The following TRPM3 variants were observed in gnomAD, a reference collection of about 807,000 sequenced individuals.
The protein encoded by TRPM3 is long transient receptor potential channel 3.
TRPM3 carries 77 observed loss-of-function variants against 181.2 expected under a neutral mutation model. The observed-to-expected ratio is 0.42, with a 90% CI of 0.35 to 0.51. The LOEUF is 0.51. TRPM3 is among the 20% of genes least tolerant of loss of function. The pLI, the probability that TRPM3 is intolerant of heterozygous loss-of-function variation, is 0.01. For missense variants in TRPM3, 1,759 were observed against 2,196.7 expected (o/e 0.80, Z 3.98); for synonymous variants, 745 against 796.4 (o/e 0.94, Z 1.09).
intron 1 of TRPM3, among the ~76,000 whole-genome samples, chr9:71,293,737 T>C (rs1290278954): frequency 1.3e-5 from 2 of 151,966 alleles, no homozygotes; most frequent in Admixed American, 1.3e-4. Flanking sequence ...AATATTTTCA[T>C]GTAGGAGTAA....
chr9:70,962,840 A>T (rs2097150064), intron 1 of TRPM3, among the ~76,000 whole-genome samples: 1 of 152,140 alleles, frequency 6.6e-6, no homozygotes, highest in Non-Finnish European at 1.5e-5. Flanking sequence ...TTGAATACCA[A>T]ATCACCGGGG....
intron 1 of TRPM3, among the ~76,000 whole-genome samples, chr9:71,004,999 A>C (rs2097658283): frequency 6.6e-6 from 1 of 152,214 alleles, no homozygotes; most frequent in Non-Finnish European, 1.5e-5. Context: ...CCATCAGACC[A>C]ACTTCTACAT....
At position 71,238,907 on chromosome 9, in the gene TRPM3, C is replaced by T. The variant is rs550691250; in HGVS notation, c.183+207746G>A. On this transcript the variant is annotated intron_variant, in intron 1 of 24. Transcript: ENST00000357533. ...TTTTGAAAAATCGCCAACCCTTGTC[C>T]TAAGAGGTATTAATATTCTTGACAT... Among the ~76,000 whole-genome samples the T allele has an allele frequency of 1.9e-4, 29 of 152,244 alleles. No individual in the cohort carries two copies. The South Asian group carries it at 5.6e-3, about 29-fold the overall frequency.
chr9:70,855,519 T>C (rs1417039666), intron 3 of TRPM3, among the ~76,000 whole-genome samples: 1 of 152,226 alleles, frequency 6.6e-6, no homozygotes, highest in African/African-American at 2.4e-5. Context: ...CTCCTTCTAC[T>C]GTAAGGCCAT....
chr9:71,145,434 C>CT (rs2075351680), intron 1 of TRPM3, among the ~76,000 whole-genome samples: 1 of 152,132 alleles, frequency 6.6e-6, no homozygotes, highest in Admixed American at 6.6e-5. Context: ...CTGAAAAACT[C>CT]TGAGAGAATG....
chr9:70,968,713 C>T (rs969521681), intron 1 of TRPM3, among the ~76,000 whole-genome samples: 13 of 151,952 alleles, frequency 8.6e-5, no homozygotes, highest in Admixed American at 2.6e-4. Context: ...ATAAGTTCTT[C>T]GCATATATTT....
At chr9:71,254,400 T>C (rs1453395304) in intron 1 of TRPM3, among the ~76,000 whole-genome samples, 2 of 152,170 alleles carry the variant, frequency 1.3e-5, no homozygotes, top group African/African-American at 4.8e-5. Flanking sequence ...ACAGGAGATA[T>C]AAGTTCAGGA....
intron 1 of TRPM3, among the ~76,000 whole-genome samples, chr9:71,275,443 A>G (rs1233629589): frequency 6.6e-6 from 1 of 152,218 alleles, no homozygotes; most frequent in Non-Finnish European, 1.5e-5. Flanking sequence ...ATGTTACTTG[A>G]TCACAAATTA....
intron 7 of TRPM3, among the ~76,000 whole-genome samples, chr9:70,770,964 G>T (rs1238082508): frequency 6.6e-6 from 1 of 152,144 alleles, no homozygotes; most frequent in Non-Finnish European, 1.5e-5. Flanking sequence ...GATGAAGTAG[G>T]CCTGTGAATA....
intron 1 of TRPM3, among the ~76,000 whole-genome samples, chr9:71,115,216 C>CT (rs1380884461): frequency 7.0e-6 from 1 of 142,572 alleles, no homozygotes; most frequent in Admixed American, 7.1e-5. Flanking sequence ...TCTATGGCAG[C>CT]TTTTTTCAAC....
chr9:70,575,109 A>ATTTT (rs55876205), intron 22 of TRPM3, among the ~76,000 whole-genome samples: 69 of 134,350 alleles, frequency 5.1e-4, no homozygotes, highest in East Asian at 4.6e-3. Context: ...ATCCCGCATA[A>ATTTT]TTTTTTTTTT....
chr9:71,317,208 A>G (rs2088690663), intron 1 of TRPM3, among the ~76,000 whole-genome samples: 1 of 152,216 alleles, frequency 6.6e-6, no homozygotes. Flanking sequence ...AGAGAGCTGA[A>G]TCTATCATTT....
chr9:70,919,274 T>C (rs1301173624), intron 1 of TRPM3, among the ~76,000 whole-genome samples: 1 of 152,208 alleles, frequency 6.6e-6, no homozygotes, highest in East Asian at 1.9e-4. Context: ...GTTGAACTTT[T>C]CATTTCTCTT....
intron 1 of TRPM3, among the ~76,000 whole-genome samples, chr9:70,896,311 T>C (rs1231666329): frequency 1.3e-5 from 2 of 152,162 alleles, no homozygotes; most frequent in Non-Finnish European, 2.9e-5. Context: ...GCTAACACAG[T>C]ATAGCCTTGT....
chr9:71,271,634 A>G (rs563911472), intron 1 of TRPM3, among the ~76,000 whole-genome samples: 10 of 152,118 alleles, frequency 6.6e-5, no homozygotes, highest in Non-Finnish European at 1.2e-4. Flanking sequence ...AGAAGAAAAA[A>G]AAAAAGCCCC....
chr9:70,807,216 T>C (rs752773292), intron 6 of TRPM3, among the ~76,000 whole-genome samples: 20 of 152,192 alleles, frequency 1.3e-4, no homozygotes, highest in Non-Finnish European at 2.9e-4. Flanking sequence ...GGAAAATCAA[T>C]AGTTATTTCT....
At chr9:71,097,446 A>G (rs948926693) in intron 1 of TRPM3, among the ~76,000 whole-genome samples, 1 of 152,262 alleles carries the variant, frequency 6.6e-6, no homozygotes, top group Non-Finnish European at 1.5e-5. Flanking sequence ...TGCATTTAAC[A>G]TATTTATATG....
At chr9:70,801,980 T>C (rs1169738465) in intron 6 of TRPM3, among the ~76,000 whole-genome samples, 1 of 152,206 alleles carries the variant, frequency 6.6e-6, no homozygotes, top group African/African-American at 2.4e-5. Flanking sequence ...GGAGGAGCTA[T>C]TAAAACACCC....
At chr9:71,261,326 G>A (rs955780230) in intron 1 of TRPM3, among the ~76,000 whole-genome samples, 7 of 152,122 alleles carry the variant, frequency 4.6e-5, no homozygotes, top group Non-Finnish European at 8.8e-5. Flanking sequence ...GCTTCACGAA[G>A]TTCTCATGCT....
Sources: gnomAD v4.1 joint callset for allele counts (sites outside exome capture counted in the v4.1 genomes callset) on GRCh38, gnomAD v4.1.1 for gene constraint, MANE v1.5 for transcripts, NCBI Gene and HGNC (gene_info 2026-07-23, HGNC 2026-07-21) for gene names.